The following TIMELESS variants were observed in gnomAD, a reference collection of about 807,000 sequenced individuals.
TIMELESS encodes timeless circadian regulator, also known as protein timeless homolog.
TIMELESS carries 124 observed loss-of-function variants against 164.3 expected under a neutral mutation model. The observed-to-expected ratio is 0.75, with a 90% CI of 0.65 to 0.88. The LOEUF (loss-of-function observed/expected upper bound fraction) is 0.88. TIMELESS is among the 40% of genes least tolerant of loss of function. The pLI is 0.00. For synonymous variants in TIMELESS, 564 were observed against 563.4 expected (o/e 1.00, Z -0.02); for missense variants, 1,422 against 1,491.4 (o/e 0.95, Z 0.77).
At chr12:56,426,798 G>C (rs1881694035) in intron 13 of TIMELESS, among the ~76,000 whole-genome samples, 1 of 152,110 alleles carries the variant, frequency 6.6e-6, no homozygotes, top group South Asian at 2.1e-4. Flanking sequence ...GACCTCAAGT[G>C]ATCTGCCCGC....
chr12:56,429,162 C>T, intron 10 of TIMELESS, 62 bp from the exon 11 acceptor site: 1 of 1,463,424 alleles, frequency 6.8e-7, no homozygotes, highest in South Asian at 1.2e-5. Flanking sequence ...CTTCTTCCTT[C>T]CTGTCCTATG....
chr12:56,421,036 G>A lies in TIMELESS; in HGVS notation c.2967C>T (p.Gly989=), dbSNP rs1188529133. Residue 989 remains glycine, a synonymous_variant, in exon 24 of 29, where the codon GGC becomes GGT. Coordinates refer to ENST00000553532, the MANE Select transcript of TIMELESS (RefSeq NM_003920.5). ...EEDSEEEEEG[G]SEAEQVQGSL... is the part of the protein sequence containing the mutation. ...TACCCTGGACTTGTTCTGCTTCTGA[G>A]CCCCCTTCTTCTTCCTCTTCGCTGT... 6.2e-7 allele frequency: 1 copy of A among 1,614,130 alleles called. No homozygotes were observed. Among genetic ancestry groups the A allele is most frequent in the East Asian group, 2.2e-5 (1 of 44,882 alleles).
chr12:56,417,884 G>C, intron 28 of TIMELESS, 23 bp downstream of exon 28: 1 of 1,614,054 alleles, frequency 6.2e-7, no homozygotes, highest in Non-Finnish European at 8.5e-7. Context: ...AGAAGAAAAA[G>C]AAGGTCCCAT....
chr12:56,421,573 G>A, intron 22 of TIMELESS, 80 bp from the exon 23 acceptor site: 1 of 1,552,694 alleles, frequency 6.4e-7, no homozygotes, highest in Non-Finnish European at 8.8e-7. Context: ...TCTGGAAAGA[G>A]GGTACCTCAA....
intron 13 of TIMELESS, among the ~76,000 whole-genome samples, 172 bp from the exon 14 acceptor site, chr12:56,425,324 G>C (rs1881644362): frequency 6.6e-6 from 1 of 152,218 alleles, no homozygotes; most frequent in Non-Finnish European, 1.5e-5. Flanking sequence ...CCTTTGAGGA[G>C]CTTTTACTCT....
chr12:56,418,116 T>C lies in TIMELESS; in HGVS notation c.3454+18A>G, dbSNP rs1385419221. ...GGCTGACACGTTAATACTCAGAAGA[T>C]GGCTGTCGCACTATTACCCTCTGGG... On this transcript the variant is annotated intron_variant, in intron 27 of 28. Transcript: ENST00000553532. 6.2e-7 allele frequency: 1 copy of C among 1,613,848 alleles called. No homozygotes were observed. The highest frequency in any genetic ancestry group is 2.2e-5 in the East Asian group (1 of 44,882).
chr12:56,435,290 G>T (rs1409825957), intron 1 of TIMELESS, among the ~76,000 whole-genome samples: 1 of 152,060 alleles, frequency 6.6e-6, no homozygotes, highest in Non-Finnish European at 1.5e-5. Flanking sequence ...AACAGAACAG[G>T]TGAGGAAATG....
chr12:56,428,450 G>A (rs1390839379), intron 12 of TIMELESS, 45 bp from the exon 13 acceptor site: 1 of 1,606,088 alleles, frequency 6.2e-7, no homozygotes, highest in Non-Finnish European at 8.5e-7. Context: ...ATTCTGGAAA[G>A]CTTGAAAAGG....
At position 56,418,307 on chromosome 12, in the gene TIMELESS, G is replaced by A. The variant is rs2136129666; in HGVS notation, c.3281C>T (p.Ala1094Val). 1 of 1,614,090 alleles carries A rather than the reference G, an allele frequency of 6.2e-7. No homozygotes were observed. The highest frequency in any genetic ancestry group is 2.2e-5 in the East Asian group (1 of 44,876). The change falls in exon 27 of 29, where the codon GCA (alanine) becomes GTA (valine). Residue 1094 changes from alanine to valine, a missense_variant. Transcript: ENST00000553532. ...AKLSPTQLRR[A>V]AASLSQPEEE... Reference sequence around the variant, plus strand: ...CTCTGGTTGACTCAAAGAAGCTGCTGCCCTCCGGAGCTGGGTAGGACTCAG... The same window carrying A: ...CTCTGGTTGACTCAAAGAAGCTGCTACCCTCCGGAGCTGGGTAGGACTCAG...
At chr12:56,422,536 C>G (rs1881532264) in intron 19 of TIMELESS, among the ~76,000 whole-genome samples, 1 of 152,124 alleles carries the variant, frequency 6.6e-6, no homozygotes, top group African/African-American at 2.4e-5. Context: ...CATGGTTTCC[C>G]AGCACATTTT....
At chr12:56,443,978 A>T (rs1868314632) in intron 1 of TIMELESS, among the ~76,000 whole-genome samples, 1 of 147,180 alleles carries the variant, frequency 6.8e-6, no homozygotes, top group African/African-American at 2.5e-5. Context: ...GGCTCACTGC[A>T]TCTCCGCCTC....
intron 1 of TIMELESS, among the ~76,000 whole-genome samples, chr12:56,439,323 G>A (rs1316116285): frequency 6.6e-6 from 1 of 151,916 alleles, no homozygotes; most frequent in Admixed American, 6.6e-5. Flanking sequence ...TTAGGAGGCT[G>A]AGGTGGGCAG....
chr12:56,442,572 G>T (rs187708873), intron 1 of TIMELESS, among the ~76,000 whole-genome samples: 2 of 152,098 alleles, frequency 1.3e-5, no homozygotes, highest in African/African-American at 4.8e-5. Flanking sequence ...CCATTTTCCC[G>T]TGTGGCCTCT....
chr12:56,427,624 T>G (rs812278), intron 13 of TIMELESS, among the ~76,000 whole-genome samples: 72,165 of 152,002 alleles, frequency 0.47, 17,803 homozygotes, highest in East Asian at 0.74. Context: ...TGTCACCCAG[T>G]CTGGAGTGCA....
chr12:56,433,386 G>C lies in TIMELESS; in HGVS notation c.424C>G (p.Gln142Glu), dbSNP rs567812420. The change falls in exon 5 of 29, where the codon CAG (glutamine) becomes GAG (glutamate). Residue 142 changes from glutamine (Q) to glutamate (E), a missense_variant. Transcript: ENST00000553532. ...VLSETLYELL[Q>E]LGWEERQEED... ...TAAGGTGAAGACTCACTCACCAGCT[G>C]CAGCAGCTCATACAAGGTTTCACTG... is the stretch of plus-strand genomic sequence containing the variant. 6.2e-7 allele frequency: 1 copy of C among 1,614,158 alleles called. No homozygotes were observed. Among genetic ancestry groups the C allele is most frequent in the South Asian group, 1.1e-5 (1 of 91,084 alleles).
intron 7 of TIMELESS, among the ~76,000 whole-genome samples, chr12:56,431,830 A>T (rs965257967): frequency 6.6e-6 from 1 of 151,480 alleles, no homozygotes; most frequent in Non-Finnish European, 1.5e-5. Context: ...ATACATATAT[A>T]TATTTGTATG....
intron 18 of TIMELESS, 51 bp from the exon 19 acceptor site, chr12:56,423,043 G>A (rs369932508): frequency 2.1e-5 from 33 of 1,577,208 alleles, no homozygotes; most frequent in African/African-American, 5.4e-5. Context: ...ATGCAGACCC[G>A]AACCTGGCCC....
chr12:56,422,252 G>A, intron 19 of TIMELESS, 61 bp from the exon 20 acceptor site: 1 of 1,466,958 alleles, frequency 6.8e-7, no homozygotes, highest in Non-Finnish European at 9.5e-7. Context: ...GGAGACCAAA[G>A]GCCTTCTCTG....
At position 56,433,860 on chromosome 12, in the gene TIMELESS, A is replaced by G; in HGVS notation, c.164T>C (p.Leu55Pro). The change falls in exon 3 of 29, where the codon CTG (leucine) becomes CCG (proline). Residue 55 changes from leucine (L) to proline (P), a missense_variant. Leu to Pro is a moderately conservative substitution (Grantham distance 98, BLOSUM62 -3). Coordinates refer to ENST00000553532, the MANE Select transcript of TIMELESS (RefSeq NM_003920.5). ...GCTCTGTAGGATCTGGGCTGCCCCC[A>G]GCTGCTGCCGCACATCTCGTGTCTC... Reference protein sequence around the residue: ...EDETRDVRQQLGAAQILQSDL... With the variant: ...EDETRDVRQQPGAAQILQSDL... 1 of 1,614,190 alleles carries G rather than the reference A, an allele frequency of 6.2e-7. No individual in the cohort carries two copies. Among genetic ancestry groups the G allele is most frequent in the East Asian group, 2.2e-5 (1 of 44,894 alleles).
Sources: allele counts gnomAD v4.1 joint callset (sites outside exome capture counted in the v4.1 genomes callset), GRCh38; gene constraint gnomAD v4.1.1; transcripts MANE v1.5; gene names NCBI Gene and HGNC (gene_info 2026-07-23, HGNC 2026-07-21).